RELT: variants seen among roughly 807,000 people sequenced by gnomAD.
RELT encodes the protein tumor necrosis factor receptor superfamily member 19L.
RELT carries 37 observed loss-of-function variants against 51.1 expected under a neutral mutation model. The observed-to-expected ratio is 0.72, with a 90% confidence interval of 0.56 to 0.95. The LOEUF (loss-of-function observed/expected upper bound fraction) is 0.95. RELT is among the 40% of genes least tolerant of loss of function. RELT has a pLI of 0.00. For missense variants in RELT, 535 were observed against 572.6 expected (o/e 0.93, Z 0.67); for synonymous variants, 241 against 235.7 (o/e 1.02, Z -0.21).
chr11:73,395,225 G>A lies in RELT; in HGVS notation c.1185G>A (p.Leu395=), dbSNP rs1866297005. 1.9e-6 allele frequency: 3 copies of A among 1,613,104 alleles called. No individual in the cohort carries two copies. The highest frequency in any genetic ancestry group is 2.7e-5 in the African/African-American group (2 of 74,932). Residue 395 remains leucine, a synonymous_variant, in exon 10 of 11, where the codon CTG becomes CTA. Coordinates refer to ENST00000064780, the MANE Select transcript of RELT (RefSeq NM_152222.2). ...GCCTCCCCCCTGAGCAGCAGGCCCT[G>A]CTAGGAAGTGGCGGAAGCCGTACAA... is the stretch of plus-strand genomic sequence containing the variant. ...QPGLPPEQQA[L]LGSGGSRTKW...
rs755075245 is a variant in RELT at position 73,392,228 on chromosome 11, C to T, written c.385C>T (p.Arg129Ter). The change falls in exon 6 of 11, where the codon CGA (arginine) becomes TGA (stop). Residue 129 changes from arginine (R) to a stop codon, truncating the protein, a stop_gained. Coordinates refer to ENST00000064780, the MANE Select transcript of RELT (RefSeq NM_152222.2). LOFTEE classifies it high-confidence loss of function. ...ATGCTCAGAGTGGGGGCGGCGGGCC[C>T]GACGTGGCGTGGAGGTGGCAGCAGG... ...HGCDEWGRRA[R>*]RGVEVAAGAS... is the part of the protein sequence containing the mutation. 2.5e-6 allele frequency: 4 copies of T among 1,611,260 alleles called. No homozygotes were observed. Among genetic ancestry groups the T allele is most frequent in the South Asian group, 1.1e-5 (1 of 90,854 alleles).
At chr11:73,392,499 G>C (rs1866235126) in intron 6 of RELT, 31 bp downstream of exon 6, 1 of 1,599,246 alleles carries the variant, frequency 6.3e-7, no homozygotes. Context: ...AGGTGGGAAG[G>C]ACGGGGGCAC....
intron 6 of RELT, chr11:73,393,233 C>T (rs1590738111): frequency 1.0e-6 from 1 of 1,003,226 alleles, no homozygotes; most frequent in South Asian, 4.1e-5. Context: ...AACGTGGTGA[C>T]TCAGGGCCAT....
chr11:73,390,514 C>A lies in RELT; in HGVS notation c.46-37C>A. On this transcript the variant is annotated intron_variant, in intron 2 of 10. Transcript: ENST00000064780. ...ATGACCCCAGAGACCCCACACCCAG[C>A]ACTTTCTGCCTCTTTCAATGCCTAC... 8 of 1,591,080 alleles carry A rather than the reference C, an allele frequency of 5.0e-6. No homozygotes were observed. The East Asian group carries it at 1.8e-4, about 36-fold the overall frequency.
chr11:73,386,244 C>T (rs80088706), intron 1 of RELT, among the ~76,000 whole-genome samples: 3 of 152,164 alleles, frequency 2.0e-5, no homozygotes, highest in African/African-American at 7.2e-5. Flanking sequence ...CCCTCCTCCC[C>T]ATCCAGTGTG....
chr11:73,395,746 C>T lies in RELT; in HGVS notation c.*255C>T, dbSNP rs557504918. 57 of 555,588 alleles carry T rather than the reference C, an allele frequency of 1.0e-4. No homozygotes were observed. The highest frequency in any genetic ancestry group is 4.4e-4 in the Admixed American group (14 of 31,582). 34.4% of individuals were successfully genotyped at this position (555,588 alleles called of 1,614,324 possible). ...CATGTTGCTCCCCTGAAGGATGCCC[C>T]GACCCCCGTGCCTGCCCTGGCTGGA... On this transcript the variant is annotated 3_prime_UTR_variant, in exon 11 of 11. Transcript: ENST00000064780.
chr11:73,390,443 T>C, intron 2 of RELT, 108 bp from the exon 3 acceptor site: 3 of 984,832 alleles, frequency 3.0e-6, no homozygotes, highest in South Asian at 2.7e-5. Flanking sequence ...GGTGGGGTAG[T>C]CAGTGGTCCC....
In RELT at chr11:73,393,952, G is replaced by A. The variant is rs1590738842; in HGVS notation, c.706+35G>A. 3.8e-6 allele frequency: 6 copies of A among 1,591,860 alleles called. No homozygotes were observed. The East Asian group carries it at 1.3e-4, about 36-fold the overall frequency. ...AGGTCTGACCCCATCCCAGTGCCCA[G>A]GAGAGGAGGGTTTCCTCCAGGAGCC... is the stretch of plus-strand genomic sequence containing the variant. On this transcript the variant is annotated intron_variant, in intron 7 of 10. Coordinates refer to ENST00000064780, the MANE Select transcript of RELT (RefSeq NM_152222.2).
intron 1 of RELT, chr11:73,384,569 G>A (rs1167412241): frequency 6.6e-6 from 1 of 152,462 alleles, no homozygotes; most frequent in African/African-American, 2.4e-5. Flanking sequence ...AGGCCACAGA[G>A]CCAGTGCAAG....
At position 73,395,189 on chromosome 11, in the gene RELT, C is replaced by T; in HGVS notation, c.1149C>T (p.Ser383=). 6.2e-7 allele frequency: 1 copy of T among 1,613,310 alleles called. No individual in the cohort carries two copies. Among genetic ancestry groups the T allele is most frequent in the Non-Finnish European group, 8.5e-7 (1 of 1,179,958 alleles). The change falls in exon 10 of 11, where the codon TCC becomes TCT. Residue 383 remains serine (S), a synonymous_variant. Coordinates refer to ENST00000064780, the MANE Select transcript of RELT (RefSeq NM_152222.2). ...AGPSWGDLPD[S]PQPGLPPEQQ... ...CCTCGTGGGGTGATCTCCCTGACTCCCCACAGCCTGGCCTCCCCCCTGAGC... is the reference window on the plus strand; with the variant it reads ...CCTCGTGGGGTGATCTCCCTGACTCTCCACAGCCTGGCCTCCCCCCTGAGC...
At chr11:73,378,736 C>T (rs1462800507) in intron 1 of RELT, among the ~76,000 whole-genome samples, 2 of 152,348 alleles carry the variant, frequency 1.3e-5, no homozygotes, top group African/African-American at 4.8e-5. Flanking sequence ...CATGGTCTTC[C>T]TGTTCCTCCC....
In RELT at chr11:73,394,246, G is replaced by A. The variant is rs372625613; in HGVS notation, c.717G>A (p.Ala239=). The A allele has an allele frequency of 1.0e-4, 167 of 1,607,274 alleles. 1 individual carries two copies. Among genetic ancestry groups the A allele is most frequent in the Middle Eastern group, 5.9e-4 (3 of 5,092 alleles). Residue 239 remains alanine, a synonymous_variant, in exon 8 of 11, where the codon GCG becomes GCA. Transcript: ENST00000064780. The surrounding 1 kb of genome is among the most constrained non-coding windows in gnomAD (Gnocchi z 4.9). The part of the protein sequence containing the change: ...RLITEKKENA[A]ALEELLKEYH... ...TGCAGCTACCCACAGAGAATGCTGC[G>A]GCCCTGGAGGAGCTGCTGAAAGAGT... is the stretch of plus-strand genomic sequence containing the variant.
At chr11:73,390,647 T>C in intron 3 of RELT, 22 bp downstream of exon 3, 1 of 1,612,538 alleles carries the variant, frequency 6.2e-7, no homozygotes, top group Non-Finnish European at 8.5e-7. Context: ...CCTGCTCTCC[T>C]GCCTGTCCTG....
At chr11:73,393,417 G>A in intron 6 of RELT, 1 of 1,174,582 alleles carries the variant, frequency 8.5e-7, no homozygotes, top group Non-Finnish European at 1.1e-6. Flanking sequence ...CAGTTAAATT[G>A]TTACATAGGG....
chr11:73,391,924 T>G (rs1187639155), intron 5 of RELT: 2 of 532,380 alleles, frequency 3.8e-6, no homozygotes, highest in Admixed American at 6.3e-5. Context: ...TGCCCAGACA[T>G]GTGTCCTGTG....
chr11:73,380,486 C>T (rs932095448), intron 1 of RELT, among the ~76,000 whole-genome samples: 5 of 152,172 alleles, frequency 3.3e-5, no homozygotes, highest in South Asian at 4.1e-4. Context: ...AGCACTCACC[C>T]GGGCCCTCTC....
Position 73,394,494 on chromosome 11 carries a change from C to A in RELT, c.806C>A (p.Pro269Gln). 1 of 1,609,998 alleles carries A rather than the reference C, an allele frequency of 6.2e-7. No homozygotes were observed. The highest frequency in any genetic ancestry group is 1.1e-5 in the South Asian group (1 of 91,034). The change falls in exon 9 of 11, where the codon CCG (proline) becomes CAG (glutamine). Residue 269 changes from proline (P) to glutamine (Q), a missense_variant. Transcript: ENST00000064780. This position sits in a 1 kb window ranked among gnomAD's most constrained non-coding sequence, Gnocchi z 4.9. ...RPVSKLPPAP[P>Q]NVPHICPHRH... ...CCCTGCAGGCTGCCGCCAGCGCCCC[C>A]GAACGTGCCACACATCTGCCCGCAC...
chr11:73,390,558 C>T lies in RELT; in HGVS notation c.53C>T (p.Pro18Leu), dbSNP rs146619078. ...TGCCTACTGTTCTTCTAGCTGCTGC[C>T]CTGGCCTCTCGCCACCCTGACATCA... ...RPLSCFLMLL[P>L]WPLATLTSTT... is the part of the protein sequence containing the mutation. The change falls in exon 3 of 11, where the codon CCC becomes CTC. Residue 18 changes from proline to leucine, a missense_variant. Pro to Leu is a moderately conservative substitution (Grantham distance 98). Transcript: ENST00000064780. 132 of 1,613,904 alleles carry T rather than the reference C, an allele frequency of 8.2e-5. No individual in the cohort carries two copies. The highest frequency in any genetic ancestry group is 1.1e-4 in the Non-Finnish European group (126 of 1,179,958).
chr11:73,394,004 C>G lies in RELT; in HGVS notation c.706+87C>G. The G allele has an allele frequency of 7.6e-7, 1 of 1,323,490 alleles. No homozygotes were observed. The highest frequency in any genetic ancestry group is 1.4e-5 in the African/African-American group (1 of 69,250). 82.0% of individuals were successfully genotyped at this position (1,323,490 alleles called of 1,614,324 possible). ...GTGAGGCAGCCGCGGTGGGCAGAGT[C>G]TTGCCCTGCTCTGCCTTCCCTGCCA... On this transcript the variant is annotated intron_variant, in intron 7 of 10. Coordinates refer to ENST00000064780, the MANE Select transcript of RELT (RefSeq NM_152222.2). This position sits in a 1 kb window ranked among gnomAD's most constrained non-coding sequence, Gnocchi z 4.9.
Sources: gnomAD v4.1 joint callset for allele counts (sites outside exome capture counted in the v4.1 genomes callset) on GRCh38, gnomAD v4.1.1 for gene constraint, Gnocchi (gnomAD v3.1) non-coding constraint, MANE v1.5 for transcripts, NCBI Gene and HGNC (gene_info 2026-07-23, HGNC 2026-07-21) for gene names.